SIGLEC5: variants seen among roughly 807,000 people sequenced by gnomAD.
The protein encoded by SIGLEC5 is sialic acid binding Ig like lectin 5.
SIGLEC5 carries 34 observed loss-of-function variants against 45.9 expected under a neutral mutation model. That is an observed-to-expected ratio of 0.74 (90% CI 0.56 to 0.99). The LOEUF is 0.99. SIGLEC5 is among the 50% of genes least tolerant of loss of function. The pLI is 0.00. For synonymous variants in SIGLEC5, 203 were observed against 258.6 expected (o/e 0.79, Z 2.06); for missense variants, 508 against 629.6 (o/e 0.81, Z 2.07).
chr19:51,620,060 T>A (rs1020636193), intron 8 of SIGLEC5, among the ~76,000 whole-genome samples: 2 of 150,250 alleles, frequency 1.3e-5, no homozygotes, highest in Non-Finnish European at 3.0e-5. Flanking sequence ...TTTGTCAAAA[T>A]ATATATATAT....
At position 51,618,792 on chromosome 19, in the gene SIGLEC5, CAAAAAAA is replaced by C. The variant is rs398035001; in HGVS notation, c.1465-6377_1465-6371del. On this transcript the variant is annotated intron_variant, in intron 8 of 8. Coordinates refer to ENST00000683636, the MANE Select transcript of SIGLEC5 (RefSeq NM_003830.4). ...GGGTGACAGAGTGAGACTCTGTCTC[CAAAAAAA>C]AAAAAAAAAAAAAAAAAGCACCACT... is the stretch of plus-strand genomic sequence containing the variant. 1.5e-3 allele frequency among the ~76,000 whole-genome samples: 73 copies of C among 48,310 alleles called. 3 individuals are homozygous for C. The East Asian group carries it at 0.048, about 32-fold the overall frequency. The allele number at this position is 48,310 out of a possible 152,430, so 31.7% of individuals were successfully genotyped here. A position where few individuals can be genotyped will look rare whatever the true frequency, so the allele number is the denominator to read the frequency against.
intron 8 of SIGLEC5, among the ~76,000 whole-genome samples, chr19:51,618,443 TAAAAAAA>T (rs1228951315): frequency 2.0e-5 from 1 of 49,438 alleles, no homozygotes. Flanking sequence ...AGACCCTGCC[TAAAAAAA>T]AAAAAAAAAA....
In SIGLEC5 at chr19:51,612,172, G is replaced by A. The variant is rs149876614; in HGVS notation, c.*59C>T. On this transcript the variant is annotated 3_prime_UTR_variant, in exon 9 of 9. Coordinates refer to ENST00000683636, the MANE Select transcript of SIGLEC5 (RefSeq NM_003830.4). Reference sequence around the variant, plus strand: ...TGCTTCAGCAAGTGGTCCCTGACTTGTCCTTTCCCCCAGACAGGCTGTGGC... The same window carrying A: ...TGCTTCAGCAAGTGGTCCCTGACTTATCCTTTCCCCCAGACAGGCTGTGGC... 423 of 1,421,948 alleles carry A rather than the reference G, an allele frequency of 3.0e-4. 2 individuals carry two copies. The African/African-American group carries it at 5.5e-3, about 18-fold the overall frequency. The allele number at this position is 1,421,948 out of a possible 1,614,324, so 88.1% of individuals were successfully genotyped here.
At chr19:51,624,589 AAG>A (rs1309863832) in intron 8 of SIGLEC5, among the ~76,000 whole-genome samples, 2 of 152,114 alleles carry the variant, frequency 1.3e-5, no homozygotes, top group Admixed American at 6.6e-5. Flanking sequence ...AATTTTATAA[AAG>A]AGGAGAGGAG....
At position 51,629,048 on chromosome 19, in the gene SIGLEC5, C is replaced by A; in HGVS notation, c.729G>T (p.Arg243Ser). The change falls in exon 4 of 9, where the codon AGG becomes AGT. Residue 243 changes from arginine to serine, a missense_variant. Arg to Ser is a moderately radical substitution (Grantham distance 110, BLOSUM62 -1). Around this residue, in one of 2 missense-constraint regions of SIGLEC5, gnomAD observed 431 missense variants for 428.8 expected, o/e 1.01. Coordinates refer to ENST00000683636, the MANE Select transcript of SIGLEC5 (RefSeq NM_003830.4). Reference sequence around the variant, plus strand: ...GGAGGTCTTTCCTACCTATGCCGTTCCTGAAGATGGTGATGGTCTGTGGAG... The same window carrying A: ...GGAGGTCTTTCCTACCTATGCCGTTACTGAAGATGGTGATGGTCTGTGGAG... ...SYAPQTITIFRNGIALEILQN... is the reference protein window; with the variant it reads ...SYAPQTITIFSNGIALEILQN... 6.2e-7 allele frequency: 1 copy of A among 1,613,836 alleles called. No homozygotes were observed. Among genetic ancestry groups the A allele is most frequent in the South Asian group, 1.1e-5 (1 of 91,048 alleles).
At chr19:51,627,780 C>T (rs1983551319) in intron 5 of SIGLEC5, 34 bp from the exon 6 acceptor site, 1 of 1,567,062 alleles carries the variant, frequency 6.4e-7, no homozygotes, top group Non-Finnish European at 8.7e-7. Context: ...CAGCAGGGGG[C>T]CTCTTCCTTC....
At position 51,630,213 on chromosome 19, in the gene SIGLEC5, G is replaced by T. The variant is rs1983692264; in HGVS notation, c.41C>A (p.Ser14Tyr). ...CTCGTACACTGGCTTCTCCTGCAGG[G>T]ACCCTGGGGGGACACAGAAGCTCAG... is the stretch of plus-strand genomic sequence containing the variant. ...LLLLPLLWGG[S>Y]LQEKPVYELQ... is the part of the protein sequence containing the mutation. The change falls in exon 2 of 9, where the codon TCC becomes TAC. Residue 14 changes from serine (S) to tyrosine (Y), a missense_variant. This residue lies in a region of SIGLEC5 where 77 missense variants were observed against 200.8 expected (regional missense o/e 0.38). Coordinates refer to ENST00000683636, the MANE Select transcript of SIGLEC5 (RefSeq NM_003830.4). 1.6e-6 allele frequency: 1 copy of T among 624,434 alleles called. No homozygotes were observed. Among genetic ancestry groups the T allele is most frequent in the Non-Finnish European group, 2.5e-6 (1 of 406,586 alleles). 38.7% of individuals were successfully genotyped at this position (624,434 alleles called of 1,614,324 possible).
intron 8 of SIGLEC5, among the ~76,000 whole-genome samples, chr19:51,615,487 A>G (rs1421864263): frequency 6.6e-6 from 1 of 152,178 alleles, no homozygotes; most frequent in African/African-American, 2.4e-5. Flanking sequence ...ATGATGTGCC[A>G]GTGTCCAACA....
In SIGLEC5 at chr19:51,627,886, G is replaced by A. The variant is rs749318982; in HGVS notation, c.945C>T (p.Arg315=). 8.1e-6 allele frequency: 13 copies of A among 1,613,144 alleles called. No homozygotes were observed. The Admixed American group carries it at 1.2e-4, about 15-fold the overall frequency. Reference sequence around the variant, plus strand: ...GCAGGAAGCCCAGCGGGTGCTGAGCGCGGCAGGTGAAGCCTCCTTCTTCTG... The same window carrying A: ...GCAGGAAGCCCAGCGGGTGCTGAGCACGGCAGGTGAAGCCTCCTTCTTCTG... ...RSAEEGGFTC[R]AQHPLGFLQI... is the part of the protein sequence containing the mutation. Residue 315 remains arginine, a synonymous_variant, in exon 5 of 9, where the codon CGC becomes CGT. Coordinates refer to ENST00000683636, the MANE Select transcript of SIGLEC5 (RefSeq NM_003830.4).
At chr19:51,618,843 T>C (rs1983173999) in intron 8 of SIGLEC5, among the ~76,000 whole-genome samples, 1 of 145,548 alleles carries the variant, frequency 6.9e-6, no homozygotes, top group Non-Finnish European at 1.5e-5. Context: ...AAAGAATTAC[T>C]ATGTTTGATA....
chr19:51,628,035 G>A lies in SIGLEC5; in HGVS notation c.796C>T (p.Arg266Trp), dbSNP rs200062824. The change falls in exon 5 of 9, where the codon CGG becomes TGG. Residue 266 changes from arginine (R) to tryptophan (W), a missense_variant. Physicochemically the swap from Arg to Trp is moderately radical, Grantham distance 101 (BLOSUM62 -3). Around this residue, in one of 2 missense-constraint regions of SIGLEC5, gnomAD observed 431 missense variants for 428.8 expected, o/e 1.01. Coordinates refer to ENST00000683636, the MANE Select transcript of SIGLEC5 (RefSeq NM_003830.4). ...TTGCTGGGAGCATCACAGAGCAGCC[G>A]CAGAGCCTGGCCCTCCAGGACCGGA... Reference protein sequence around the residue: ...YLPVLEGQALRLLCDAPSNPP... With the variant: ...YLPVLEGQALWLLCDAPSNPP... 64 of 1,596,308 alleles carry A rather than the reference G, an allele frequency of 4.0e-5. No homozygotes were observed. Among genetic ancestry groups the A allele is most frequent in the Admixed American group, 1.4e-4 (8 of 57,016 alleles).
At chr19:51,628,767 C>CGT (rs34312547) in intron 4 of SIGLEC5, among the ~76,000 whole-genome samples, 1 of 138,844 alleles carries the variant, frequency 7.2e-6, no homozygotes, top group Non-Finnish European at 1.5e-5. Flanking sequence ...TGTGTATGTG[C>CGT]GTGTGTGTGT....
intron 8 of SIGLEC5, among the ~76,000 whole-genome samples, chr19:51,618,443 TAA>T (rs1228951315): frequency 2.0e-4 from 10 of 49,450 alleles, no homozygotes; most frequent in Admixed American, 1.3e-3. Context: ...AGACCCTGCC[TAA>T]AAAAAAAAAA....
chr19:51,626,943 G>T (rs769469831), intron 7 of SIGLEC5, among the ~76,000 whole-genome samples: 1 of 152,000 alleles, frequency 6.6e-6, no homozygotes, highest in Non-Finnish European at 1.5e-5. Context: ...CTCACTCTGA[G>T]GCCCAGGATG....
intron 6 of SIGLEC5, 21 bp downstream of exon 6, chr19:51,627,441 C>G: frequency 6.2e-7 from 1 of 1,600,914 alleles, no homozygotes; most frequent in Non-Finnish European, 8.5e-7. Context: ...GGCCCCTGCC[C>G]TCTGCAATAC....
chr19:51,615,386 A>C (rs975905630), intron 8 of SIGLEC5, among the ~76,000 whole-genome samples: 1 of 152,170 alleles, frequency 6.6e-6, no homozygotes, highest in African/African-American at 2.4e-5. Flanking sequence ...GCCCAAACAT[A>C]CTTGAATTCT....
chr19:51,625,173 C>CAGGGA (rs1470657605), intron 8 of SIGLEC5, among the ~76,000 whole-genome samples: 1 of 152,034 alleles, frequency 6.6e-6, no homozygotes, highest in East Asian at 1.9e-4. Context: ...CTGGTGGAAA[C>CAGGGA]AGGGAAGGAA....
At chr19:51,619,420 C>A (rs1349370393) in intron 8 of SIGLEC5, among the ~76,000 whole-genome samples, 2 of 152,080 alleles carry the variant, frequency 1.3e-5, no homozygotes, top group Middle Eastern at 3.2e-3. Context: ...GAAACATTTA[C>A]AAAAATTCAT....
chr19:51,627,160 G>A lies in SIGLEC5; in HGVS notation c.1371C>T (p.Ile457=). The A allele has an allele frequency of 6.2e-7, 1 of 1,613,548 alleles. No homozygotes were observed. The highest frequency in any genetic ancestry group is 1.3e-5 in the African/African-American group (1 of 74,988). ...MALLCICLCL[I]FFLIVKARRK... ...GGACCAAGACTTACATTAAAAAGAA[G>A]ATGAGGCACAGACAGATACAGAGCA... Residue 457 remains isoleucine, a synonymous_variant, in exon 7 of 9, where the codon ATC becomes ATT. Coordinates refer to ENST00000683636, the MANE Select transcript of SIGLEC5 (RefSeq NM_003830.4).
Sources: allele counts gnomAD v4.1 joint callset (sites outside exome capture counted in the v4.1 genomes callset), GRCh38; gene constraint gnomAD v4.1.1; regional missense constraint gnomAD v4.1.1; transcripts MANE v1.5; gene names NCBI Gene and HGNC (gene_info 2026-07-23, HGNC 2026-07-21).